LILRB4: variants seen among roughly 807,000 people sequenced by gnomAD.
LILRB4 encodes the protein leukocyte immunoglobulin-like receptor subfamily B member 4.
In LILRB4, 49 loss-of-function variants were observed where a neutral mutation model predicts 55.2. That is an observed-to-expected ratio of 0.89 (90% CI 0.71 to 1.13). LILRB4 has a LOEUF of 1.13. Ranked by LOEUF, LILRB4 falls within the 50% of genes most tolerant of loss-of-function variation. The pLI is 0.00. For missense variants in LILRB4, 590 were observed against 555.2 expected (o/e 1.06, Z -0.63); for synonymous variants, 229 against 213.8 (o/e 1.07, Z -0.62).
chr19:54,663,397 G>A, intron 1 of LILRB4, 135 bp from the exon 2 acceptor site: 2 of 1,302,330 alleles, frequency 1.5e-6, no homozygotes, highest in African/African-American at 1.7e-5. Flanking sequence ...AGTGAGCCAA[G>A]ATCGCACCAC....
chr19:54,666,340 C>A lies in LILRB4; in HGVS notation c.950+25C>A. The stretch of plus-strand genomic sequence containing the variant: ...GGTAATTCTGCCCAAAGACCTCAGA[C>A]TCCCACCCATCCCAACAGCCACCTC... On this transcript the variant is annotated intron_variant, in intron 8 of 11. Transcript: ENST00000430952. This position sits in a 1 kb window ranked among gnomAD's most constrained non-coding sequence, Gnocchi z 4.8. 1 of 1,610,206 alleles carries A rather than the reference C, an allele frequency of 6.2e-7. No homozygotes were observed. The highest frequency in any genetic ancestry group is 8.5e-7 in the Non-Finnish European group (1 of 1,177,882).
At chr19:54,664,751 C>T in intron 4 of LILRB4, 48 bp from the exon 5 acceptor site, 1 of 1,440,672 alleles carries the variant, frequency 6.9e-7, no homozygotes, top group Non-Finnish European at 9.5e-7. Flanking sequence ...GATGTGGAGA[C>T]CCAAGGGCAA....
At chr19:54,663,696 G>A (rs1298084866) in intron 2 of LILRB4, 58 bp from the exon 3 acceptor site, 5 of 1,609,428 alleles carry the variant, frequency 3.1e-6, no homozygotes, top group Non-Finnish European at 4.2e-6. Flanking sequence ...CTGGGGCTGA[G>A]AGCTGGGATC....
At position 54,666,011 on chromosome 19, in the gene LILRB4, G is replaced by C; in HGVS notation, c.874+80G>C. On this transcript the variant is annotated intron_variant, in intron 7 of 11. Transcript: ENST00000430952. The surrounding 1 kb of genome is among the most constrained non-coding windows in gnomAD (Gnocchi z 4.8). ...AGCCAAAGGGACTCCAGATAGGAGA[G>C]GTCATCTTAGAAACTCTGCTCCAGA... The C allele has an allele frequency of 1.9e-6, 3 of 1,549,024 alleles. No homozygotes were observed. Among genetic ancestry groups the C allele is most frequent in the East Asian group, 2.3e-5 (1 of 44,294 alleles).
exon 12 of LILRB4, chr19:54,668,162 T>A: frequency 1.2e-6 from 1 of 867,474 alleles, no homozygotes; most frequent in Non-Finnish European, 1.8e-6. Flanking sequence ...ACGTTGGGAG[T>A]CACCTGATTC....
rs1318983935 is a variant in LILRB4 at position 54,666,442 on chromosome 19, TGA to T, written c.988+10_988+11del. ...CGTCCAGGGAGAAAACTTCTGTGAGTGAGAGGCAGAGAAGGTGCACCTGGGGT... is the reference window on the plus strand; with the variant it reads ...CGTCCAGGGAGAAAACTTCTGTGAGTGAGGCAGAGAAGGTGCACCTGGGGT... On this transcript the variant is annotated splice_region_variant and intron_variant, in intron 9 of 11. Transcript: ENST00000430952. The surrounding 1 kb of genome is among the most constrained non-coding windows in gnomAD (Gnocchi z 4.8). 4 of 1,613,890 alleles carry T rather than the reference TGA, an allele frequency of 2.5e-6. No homozygotes were observed. The African/African-American group carries it at 5.3e-5, about 22-fold the overall frequency.
downstream of LILRB4, chr19:54,668,450 G>C (rs1444503280): frequency 1.1e-5 from 2 of 175,194 alleles, no homozygotes; most frequent in Non-Finnish European, 2.4e-5. Context: ...AATGAAAAAA[G>C]AGCAGGCATC....
Position 54,664,864 on chromosome 19 carries a change from C to A in LILRB4, c.706+15C>A, listed in dbSNP as rs747125927. On this transcript the variant is annotated intron_variant, in intron 5 of 11. Transcript: ENST00000430952. ...CTCAACAGCTGGTGAGTCTCAGAGG[C>A]CTCTGTCCAGAGAGTTTCCAAAGCC... 1 of 1,611,278 alleles carries A rather than the reference C, an allele frequency of 6.2e-7. No homozygotes were observed. Among genetic ancestry groups the A allele is most frequent in the Admixed American group, 1.7e-5 (1 of 59,992 alleles).
In LILRB4 at chr19:54,665,406, C is replaced by T. The variant is rs994874533; in HGVS notation, c.757+226C>T. On this transcript the variant is annotated intron_variant, in intron 6 of 11. Transcript: ENST00000430952. The surrounding 1 kb of genome is among the most constrained non-coding windows in gnomAD (Gnocchi z 5.5). ...TGGGAGAGGAGGCCTCCCAGGGAAC[C>T]TCCCAGACCCGATTCCGCAGGGGCC... 6.6e-6 allele frequency among the ~76,000 whole-genome samples: 1 copy of T among 152,044 alleles called. No individual in the cohort carries two copies. Among genetic ancestry groups the T allele is most frequent in the African/African-American group, 2.4e-5 (1 of 41,394 alleles).
chr19:54,668,037 C>T (rs1249320738), exon 12 of LILRB4: 4 of 1,613,652 alleles, frequency 2.5e-6, no homozygotes, highest in Middle Eastern at 1.6e-4. Context: ...GGGACCCAGA[C>T]CCCACAAGCC....
In LILRB4 at chr19:54,668,343, G is replaced by A. The variant is rs531074386; in HGVS notation, c.*324G>A. ...ATGGGAAAATGGGAGCTTCTAATGA[G>A]GACAAACAAAAAATAGAGAAAAATT... On this transcript the variant is annotated 3_prime_UTR_variant, in exon 12 of 12. Transcript: ENST00000430952. The A allele has an allele frequency of 6.8e-4, 186 of 273,478 alleles. 1 individual carries two copies. The highest frequency in any genetic ancestry group is 3.9e-3 in the African/African-American group (177 of 45,458). The allele number at this position is 273,478 out of a possible 1,614,324, so 16.9% of individuals were successfully genotyped here.
chr19:54,667,289 G>A (rs918640179), intron 10 of LILRB4: 8 of 581,386 alleles, frequency 1.4e-5, no homozygotes, highest in East Asian at 1.1e-4. Flanking sequence ...GAAAGGGAGG[G>A]CTGTCTGCTC....
rs978490803 is a variant in LILRB4 at position 54,665,437 on chromosome 19, G to A, written c.757+257G>A. 3.9e-5 allele frequency among the ~76,000 whole-genome samples: 6 copies of A among 151,960 alleles called. No individual in the cohort carries two copies. The highest frequency in any genetic ancestry group is 8.8e-5 in the Non-Finnish European group (6 of 67,958). On this transcript the variant is annotated intron_variant, in intron 6 of 11. Transcript: ENST00000430952. This position sits in a 1 kb window ranked among gnomAD's most constrained non-coding sequence, Gnocchi z 5.5. Reference sequence around the variant, plus strand: ...GACCCGATTCCGCAGGGGCCTGTCCGGTCCCACCTGCAGCAGAGACGGTGA... The same window carrying A: ...GACCCGATTCCGCAGGGGCCTGTCCAGTCCCACCTGCAGCAGAGACGGTGA...
Position 54,665,756 on chromosome 19 carries a change from A to T in LILRB4, c.758-59A>T, listed in dbSNP as rs557423818. 1 of 1,551,066 alleles carries T rather than the reference A, an allele frequency of 6.4e-7. No homozygotes were observed. Among genetic ancestry groups the T allele is most frequent in the South Asian group, 1.2e-5 (1 of 84,516 alleles). ...GACCCAGCACACACAGTAGGTGCAC[A>T]CACAGTAGGTGTGCACATCAATGAC... is the stretch of plus-strand genomic sequence containing the variant. On this transcript the variant is annotated intron_variant, in intron 6 of 11. Transcript: ENST00000430952. The surrounding 1 kb of genome is among the most constrained non-coding windows in gnomAD (Gnocchi z 5.5).
intron 10 of LILRB4, 142 bp from the exon 11 acceptor site, chr19:54,667,493 C>T: frequency 2.1e-6 from 3 of 1,461,306 alleles, no homozygotes; most frequent in South Asian, 1.4e-5. Flanking sequence ...GAGGGAGCGG[C>T]CAGACCCTCC....
chr19:54,664,397 C>T (rs369944780), exon 4 of LILRB4: 31 of 1,613,566 alleles, frequency 1.9e-5, no homozygotes, highest in South Asian at 5.5e-5. Flanking sequence ...CCTCAGTGCA[C>T]GGGGGGACCT....
exon 3 of LILRB4, chr19:54,663,964 G>A: frequency 6.2e-7 from 1 of 1,614,152 alleles, no homozygotes; most frequent in South Asian, 1.1e-5. Context: ...GACTATGCAG[G>A]GAGATACCGC....
chr19:54,667,805 C>T lies in LILRB4; in HGVS notation c.1197+12C>T, dbSNP rs757170597. 6.2e-7 allele frequency: 1 copy of T among 1,610,792 alleles called. No homozygotes were observed. The highest frequency in any genetic ancestry group is 1.4e-5 in the African/African-American group (1 of 74,062). ...AGATGGACACTGAGGTGAGTCCTTT[C>T]CTCTCCAGGCCCCCAGGCCTCCCCC... On this transcript the variant is annotated intron_variant, in intron 11 of 11. Transcript: ENST00000430952.
At position 54,666,863 on chromosome 19, in the gene LILRB4, C is replaced by T. The variant is rs971766035; in HGVS notation, c.1041+114C>T. ...CTCAGCATCGTCACGGTGGACCCCT[C>T]CTTGTCCAGCACGCTGCCTCCTGCC... On this transcript the variant is annotated intron_variant, in intron 10 of 11. Coordinates refer to ENST00000430952, the Ensembl canonical transcript of LILRB4. This position sits in a 1 kb window ranked among gnomAD's most constrained non-coding sequence, Gnocchi z 4.8. 61 of 1,058,174 alleles carry T rather than the reference C, an allele frequency of 5.8e-5. No homozygotes were observed. In the Middle Eastern group the frequency reaches 8.6e-4, roughly 15 times the overall value. 65.5% of individuals were successfully genotyped at this position (1,058,174 alleles called of 1,614,324 possible).
Sources: gnomAD v4.1 joint callset for allele counts (sites outside exome capture counted in the v4.1 genomes callset) on GRCh38, gnomAD v4.1.1 for gene constraint, Gnocchi (gnomAD v3.1) non-coding constraint, MANE v1.5 for transcripts, NCBI Gene and HGNC (gene_info 2026-07-23, HGNC 2026-07-21) for gene names.